The following QTMAN variants were observed in gnomAD, a reference collection of about 807,000 sequenced individuals.
QTMAN encodes queuosine-tRNA mannosyltransferase, also known as tRNA-queuosine alpha-mannosyltransferase.
At chr2:144,235,364 G>A in the QTMAN span, among the ~76,000 whole-genome samples, 1 of 152,030 alleles carries the variant, frequency 6.6e-6, no homozygotes. Context: ...TAACTTGGCT[G>A]ACAACCAAGG....
chr2:143,954,041 G>A, the QTMAN span, among the ~76,000 whole-genome samples: 3 of 151,932 alleles, frequency 2.0e-5, no homozygotes, highest in African/African-American at 7.2e-5. Flanking sequence ...AAATAATCTA[G>A]TGGGAAGGCA....
chr2:144,029,105 A>G, the QTMAN span, among the ~76,000 whole-genome samples: 1 of 152,190 alleles, frequency 6.6e-6, no homozygotes, highest in Non-Finnish European at 1.5e-5. Context: ...ATCAAATGAG[A>G]ACAACTTCCT....
the QTMAN span, among the ~76,000 whole-genome samples, chr2:144,083,799 C>T: frequency 2.8e-5 from 4 of 142,916 alleles, no homozygotes; most frequent in Non-Finnish European, 1.5e-5. Flanking sequence ...CCTCACCCAG[C>T]CCGAAGTTTC....
the QTMAN span, among the ~76,000 whole-genome samples, chr2:144,291,963 G>T: frequency 6.6e-6 from 1 of 152,172 alleles, no homozygotes; most frequent in Admixed American, 6.5e-5. Flanking sequence ...TAAAAGAGAT[G>T]AAACATGCGG....
At chr2:144,123,040 G>A in the QTMAN span, among the ~76,000 whole-genome samples, 1 of 151,688 alleles carries the variant, frequency 6.6e-6, no homozygotes, top group Admixed American at 6.6e-5. Flanking sequence ...CATAATAAAT[G>A]ATTTATATGT....
the QTMAN span, among the ~76,000 whole-genome samples, chr2:143,994,381 G>A: frequency 5.0e-4 from 76 of 152,218 alleles, no homozygotes; most frequent in African/African-American, 1.5e-3. Flanking sequence ...TGATTCCACT[G>A]CTAGGTATCT....
chr2:144,205,596 C>T, the QTMAN span, among the ~76,000 whole-genome samples: 22,951 of 152,022 alleles, frequency 0.15, 2,800 homozygotes, highest in African/African-American at 0.34. Flanking sequence ...GAAGAAGGGC[C>T]GTTAAGTGGG....
At chr2:144,297,073 T>A in the QTMAN span, among the ~76,000 whole-genome samples, 3 of 152,324 alleles carry the variant, frequency 2.0e-5, no homozygotes, top group East Asian at 5.8e-4. Flanking sequence ...TTACGTGATT[T>A]ACTAACATTC....
At chr2:144,182,273 C>G in the QTMAN span, among the ~76,000 whole-genome samples, 1 of 151,986 alleles carries the variant, frequency 6.6e-6, no homozygotes, top group African/African-American at 2.4e-5. Context: ...AATTGTCTAC[C>G]TTTTCTTAAA....
the QTMAN span, among the ~76,000 whole-genome samples, chr2:144,155,229 C>G: frequency 6.6e-6 from 1 of 152,096 alleles, no homozygotes; most frequent in African/African-American, 2.4e-5. Flanking sequence ...AGGATCCAAA[C>G]AAAAGGAACT....
At chr2:144,291,705 T>TGCATTC in the QTMAN span, among the ~76,000 whole-genome samples, 4 of 152,330 alleles carry the variant, frequency 2.6e-5, no homozygotes, top group South Asian at 4.1e-4. Flanking sequence ...TTTGAAATAA[T>TGCATTC]GCATTCTTAT....
chr2:144,112,426 T>C, the QTMAN span, among the ~76,000 whole-genome samples: 1 of 152,236 alleles, frequency 6.6e-6, no homozygotes, highest in Admixed American at 6.5e-5. Flanking sequence ...GCTTTCTTTC[T>C]GACTGATACA....
the QTMAN span, among the ~76,000 whole-genome samples, chr2:144,209,471 C>T: frequency 2.0e-5 from 3 of 152,146 alleles, no homozygotes; most frequent in Non-Finnish European, 4.4e-5. Context: ...AATGTATCAC[C>T]CCAAAATGGA....
chr2:144,172,296 A>G, the QTMAN span, among the ~76,000 whole-genome samples: 1 of 152,200 alleles, frequency 6.6e-6, no homozygotes, highest in South Asian at 2.1e-4. Context: ...TCTCAATTAA[A>G]TATCAAACCT....
the QTMAN span, among the ~76,000 whole-genome samples, chr2:144,103,635 T>TTAAAA: frequency 3.0e-4 from 46 of 152,058 alleles, no homozygotes; most frequent in African/African-American, 1.0e-3. Flanking sequence ...GCTACCAAAA[T>TTAAAA]TAAAATAAAA....
chr2:143,971,607 AT>A, the QTMAN span, among the ~76,000 whole-genome samples: 3 of 152,120 alleles, frequency 2.0e-5, no homozygotes, highest in African/African-American at 7.2e-5. Context: ...AGGTGTGAAT[AT>A]TTCAGTATTT....
the QTMAN span, among the ~76,000 whole-genome samples, chr2:144,142,361 A>G: frequency 3.3e-5 from 5 of 151,948 alleles, no homozygotes; most frequent in African/African-American, 2.4e-5. Flanking sequence ...GGAACTTTCT[A>G]TATTATCAAC....
chr2:144,203,154 T>A, the QTMAN span, among the ~76,000 whole-genome samples: 2 of 87,570 alleles, frequency 2.3e-5, no homozygotes, highest in African/African-American at 6.7e-5. Flanking sequence ...ATGAAGAGTG[T>A]GTGTGTGTGT....
chr2:144,120,885 A>G, the QTMAN span, among the ~76,000 whole-genome samples: 1 of 152,148 alleles, frequency 6.6e-6, no homozygotes, highest in Non-Finnish European at 1.5e-5. Context: ...TTACATCCAA[A>G]CCAACTCACT....
Sources: allele counts gnomAD v4.1 joint callset (sites outside exome capture counted in the v4.1 genomes callset), GRCh38; gene constraint gnomAD v4.1.1; transcripts MANE v1.5; gene names NCBI Gene and HGNC (gene_info 2026-07-23, HGNC 2026-07-21).